GRIK1: variants seen among roughly 807,000 people sequenced by gnomAD.
GRIK1 encodes glutamate ionotropic receptor kainate type subunit 1.
In GRIK1, 69 loss-of-function variants were observed where a neutral mutation model predicts 105.7. The observed-to-expected ratio is 0.65, with a 90% CI of 0.54 to 0.80. GRIK1 has a LOEUF of 0.80. Ranked by LOEUF, GRIK1 falls within the 30% of genes least tolerant of loss-of-function variation. The pLI, the probability that GRIK1 is intolerant of heterozygous loss-of-function variation, is 0.00. For missense variants in GRIK1, 1,109 were observed against 1,167.3 expected (o/e 0.95, Z 0.73); for synonymous variants, 438 against 431.3 (o/e 1.02, Z -0.19).
At chr21:29,625,973 G>A (rs2062119916) in intron 7 of GRIK1, among the ~76,000 whole-genome samples, 1 of 152,086 alleles carries the variant, frequency 6.6e-6, no homozygotes, top group African/African-American at 2.4e-5. Context: ...CTTAGAATGT[G>A]ACTATATTTG....
At chr21:29,808,288 G>C (rs1304115651) in intron 1 of GRIK1, among the ~76,000 whole-genome samples, 4 of 152,132 alleles carry the variant, frequency 2.6e-5, no homozygotes, top group Non-Finnish European at 5.9e-5. Flanking sequence ...GGACTCATTG[G>C]TGAGTTCCAG....
chr21:29,568,394 C>A (rs1361597397), intron 14 of GRIK1, among the ~76,000 whole-genome samples: 1 of 152,164 alleles, frequency 6.6e-6, no homozygotes, highest in East Asian at 1.9e-4. Flanking sequence ...TGGTGCAGTG[C>A]CCAGTAACTT....
At chr21:29,682,107 T>C (rs1248691247) in intron 3 of GRIK1, among the ~76,000 whole-genome samples, 1 of 152,212 alleles carries the variant, frequency 6.6e-6, no homozygotes, top group African/African-American at 2.4e-5. Context: ...AATTCATCTC[T>C]TGAGAGATCT....
chr21:29,737,968 G>T (rs767553795), intron 1 of GRIK1, among the ~76,000 whole-genome samples: 1 of 152,144 alleles, frequency 6.6e-6, no homozygotes, highest in African/African-American at 2.4e-5. Context: ...GAACTATTCT[G>T]CTCCTTGAAA....
intron 1 of GRIK1, among the ~76,000 whole-genome samples, chr21:29,921,915 TAAG>T (rs1287217744): frequency 1.3e-5 from 2 of 152,180 alleles, no homozygotes; most frequent in Non-Finnish European, 2.9e-5. Flanking sequence ...TAAGACAATC[TAAG>T]AATAATTTTG....
intron 1 of GRIK1, among the ~76,000 whole-genome samples, chr21:29,876,575 A>C (rs192943598): frequency 6.6e-6 from 1 of 152,122 alleles, no homozygotes; most frequent in Non-Finnish European, 1.5e-5. Context: ...TGTTGCTGCT[A>C]TTCACATTGC....
intron 3 of GRIK1, among the ~76,000 whole-genome samples, chr21:29,683,447 A>G (rs956522561): frequency 1.3e-5 from 2 of 152,252 alleles, no homozygotes; most frequent in African/African-American, 4.8e-5. Flanking sequence ...TGCAGCTATA[A>G]AAAAGAATAA....
At chr21:29,853,308 T>G (rs2068364399) in intron 1 of GRIK1, among the ~76,000 whole-genome samples, 1 of 152,206 alleles carries the variant, frequency 6.6e-6, no homozygotes, top group African/African-American at 2.4e-5. Flanking sequence ...GGTTCTGATT[T>G]TTTGTTGTTG....
intron 1 of GRIK1, among the ~76,000 whole-genome samples, chr21:29,840,827 G>A (rs2067957438): frequency 6.6e-6 from 1 of 151,932 alleles, no homozygotes; most frequent in South Asian, 2.1e-4. Context: ...ATAGAAAATA[G>A]CAACCAAACC....
intron 7 of GRIK1, among the ~76,000 whole-genome samples, chr21:29,610,903 G>A (rs997570244): frequency 6.6e-6 from 1 of 152,132 alleles, no homozygotes; most frequent in Non-Finnish European, 1.5e-5. Flanking sequence ...TGAAACAGCA[G>A]CTCTGAATTT....
Position 29,619,123 on chromosome 21 carries a change from CAAAAAA to C in GRIK1, c.1099-20192_1099-20187del, listed in dbSNP as rs35003722. Among the ~76,000 whole-genome samples, 11 of 81,682 alleles carry C rather than the reference CAAAAAA, an allele frequency of 1.3e-4. 1 individual carries two copies. Among genetic ancestry groups the C allele is most frequent in the Non-Finnish European group, 2.4e-5 (1 of 41,526 alleles). 53.6% of individuals were successfully genotyped at this position (81,682 alleles called of 152,430 possible). On this transcript the variant is annotated intron_variant, in intron 7 of 17. Coordinates refer to ENST00000327783, the MANE Select transcript of GRIK1 (RefSeq NM_001330994.2). ...CCTGGGCAACAGAGCGAGACTCCGT[CAAAAAA>C]AAAAAAAAAAAAAAGAATGATACAA...
At chr21:29,928,784 G>A (rs1177842869) in intron 1 of GRIK1, among the ~76,000 whole-genome samples, 1 of 152,336 alleles carries the variant, frequency 6.6e-6, no homozygotes, top group South Asian at 2.1e-4. Flanking sequence ...CTGATACCCA[G>A]GACCTAGTGG....
chr21:29,865,783 T>G (rs1034001981), intron 1 of GRIK1, among the ~76,000 whole-genome samples: 3 of 152,224 alleles, frequency 2.0e-5, no homozygotes, highest in African/African-American at 7.2e-5. Context: ...AAATAAAATA[T>G]GCGTATATTC....
intron 15 of GRIK1, among the ~76,000 whole-genome samples, chr21:29,560,357 T>TTCTTTC (rs1555835104): frequency 1.7e-5 from 1 of 58,114 alleles, no homozygotes; most frequent in Non-Finnish European, 3.2e-5. Flanking sequence ...CTTTCTTTCT[T>TTCTTTC]TTTCTTTCTT....
intron 1 of GRIK1, among the ~76,000 whole-genome samples, chr21:29,736,010 G>A (rs993554772): frequency 5.9e-5 from 9 of 151,936 alleles, no homozygotes; most frequent in Non-Finnish European, 1.5e-5. Flanking sequence ...TCCCTAGCAC[G>A]ACCCCAAGAC....
rs1474488395 is a variant in GRIK1 at position 29,560,511 on chromosome 21, CCTTCCTTCCTTTCTTTCTTT to C, written c.2356+1093_2356+1112del. Among the ~76,000 whole-genome samples, 307 of 40,194 alleles carry C rather than the reference CCTTCCTTCCTTTCTTTCTTT, an allele frequency of 7.6e-3. 24 individuals carry two copies. Among genetic ancestry groups the C allele is most frequent in the African/African-American group, 0.013 (92 of 7,096 alleles). 26.4% of individuals were successfully genotyped at this position (40,194 alleles called of 152,430 possible). ...TCTTTCTTTCTTTCCTTCCTTCCTT[CCTTCCTTCCTTTCTTTCTTT>C]CTTTCTTTCTTTCTTTCTTTCTTTC... On this transcript the variant is annotated intron_variant, in intron 15 of 17. Coordinates refer to ENST00000327783, the MANE Select transcript of GRIK1 (RefSeq NM_001330994.2).
chr21:29,928,816 C>T (rs1298100600), intron 1 of GRIK1, among the ~76,000 whole-genome samples: 2 of 152,274 alleles, frequency 1.3e-5, no homozygotes, highest in Non-Finnish European at 2.9e-5. Context: ...CCCCAGTGGA[C>T]GTCCTGGAGG....
At chr21:29,938,382 A>G (rs1235565825) in intron 1 of GRIK1, among the ~76,000 whole-genome samples, 8 of 152,230 alleles carry the variant, frequency 5.3e-5, no homozygotes, top group Non-Finnish European at 1.2e-4. Context: ...AAGAAGCCCG[A>G]TGGGTTGGGA....
At chr21:29,549,547 C>T (rs963795527) in intron 16 of GRIK1, among the ~76,000 whole-genome samples, 8 of 152,294 alleles carry the variant, frequency 5.3e-5, no homozygotes, top group Non-Finnish European at 8.8e-5. Flanking sequence ...GATTCCTGGA[C>T]TCTTCCTACT....
Sources: gnomAD v4.1 joint callset for allele counts (sites outside exome capture counted in the v4.1 genomes callset) on GRCh38, gnomAD v4.1.1 for gene constraint, MANE v1.5 for transcripts, NCBI Gene and HGNC (gene_info 2026-07-23, HGNC 2026-07-21) for gene names.